The following GPAM variants were observed in gnomAD, a reference collection of about 807,000 sequenced individuals.
GPAM encodes glycerol-3-phosphate acyltransferase, mitochondrial.
A neutral mutation model predicts 105.0 loss-of-function variants in GPAM; 56 were observed. That is an observed-to-expected ratio of 0.53 (90% CI 0.43 to 0.67). The LOEUF is 0.67. Among genes scored for constraint, GPAM ranks in the 30% least tolerant of loss-of-function variants. The pLI, the probability that GPAM is intolerant of heterozygous loss-of-function variation, is 0.00. For synonymous variants in GPAM, 368 were observed against 354.4 expected (o/e 1.04, Z -0.43); for missense variants, 855 against 989.8 (o/e 0.86, Z 1.83).
chr10:112,207,723 T>G (rs779242642), intron 1 of GPAM, among the ~76,000 whole-genome samples: 3 of 152,174 alleles, frequency 2.0e-5, no homozygotes, highest in Non-Finnish European at 2.9e-5. Context: ...GGAGATGTGC[T>G]GGGTCTCAAG....
the GPAM span, among the ~76,000 whole-genome samples, chr10:112,220,404 C>A: frequency 7.0e-6 from 1 of 142,688 alleles, no homozygotes; most frequent in Non-Finnish European, 1.6e-5. Flanking sequence ...AATGGAACCA[C>A]TGGGTGGTTT....
chr10:112,170,442 A>G (rs895141215), intron 9 of GPAM, among the ~76,000 whole-genome samples: 2 of 152,266 alleles, frequency 1.3e-5, no homozygotes, highest in Admixed American at 6.5e-5. Context: ...CATAGAGTCC[A>G]TGAAAGGGAA....
the GPAM span, among the ~76,000 whole-genome samples, chr10:112,226,379 G>A: frequency 6.6e-6 from 1 of 152,146 alleles, no homozygotes; most frequent in Non-Finnish European, 1.5e-5. Flanking sequence ...AGAACACAGA[G>A]GCTGCAGGGA....
chr10:112,204,377 G>A (rs540604722), intron 1 of GPAM, among the ~76,000 whole-genome samples: 190 of 151,208 alleles, frequency 1.3e-3, no homozygotes, highest in Non-Finnish European at 2.7e-4. Flanking sequence ...ATTTTAAGAT[G>A]ATATATCAGC....
chr10:112,152,795 G>A lies in GPAM; in HGVS notation c.*755C>T. 1.5e-6 allele frequency: 1 copy of A among 647,500 alleles called. No homozygotes were observed. The highest frequency in any genetic ancestry group is 1.9e-6 in the Non-Finnish European group (1 of 521,428). 40.1% of individuals were successfully genotyped at this position (647,500 alleles called of 1,614,324 possible). On this transcript the variant is annotated 3_prime_UTR_variant, in exon 22 of 22. Coordinates refer to ENST00000348367, the MANE Select transcript of GPAM (RefSeq NM_001244949.2). ...GAAACTCAATGGCACTTGTTTATAT[G>A]AGCAAAAGCCTTCAACACCAGTTTT...
chr10:112,211,906 G>C (rs1052846205), intron 1 of GPAM, among the ~76,000 whole-genome samples: 1 of 152,182 alleles, frequency 6.6e-6, no homozygotes, highest in East Asian at 1.9e-4. Flanking sequence ...AGATGTATGA[G>C]GGTTTCTTAA....
chr10:112,155,256 T>C (rs1846995343), intron 20 of GPAM: 1 of 170,932 alleles, frequency 5.9e-6, no homozygotes, highest in Non-Finnish European at 1.3e-5. Flanking sequence ...AAACTACAAC[T>C]GTATAAAATA....
intron 4 of GPAM, among the ~76,000 whole-genome samples, chr10:112,178,835 G>A (rs944027548): frequency 8.5e-5 from 13 of 152,234 alleles, no homozygotes; most frequent in African/African-American, 3.1e-4. Flanking sequence ...CTTATGTCTT[G>A]ATCTAAAGAG....
chr10:112,183,397 G>A (rs1477013011), intron 1 of GPAM, among the ~76,000 whole-genome samples: 1 of 152,218 alleles, frequency 6.6e-6, no homozygotes, highest in Non-Finnish European at 1.5e-5. Context: ...CAGGCGGGCT[G>A]GCTGGCGGCG....
At chr10:112,195,653 C>CCT (rs1349346695) in intron 1 of GPAM, among the ~76,000 whole-genome samples, 1 of 152,028 alleles carries the variant, frequency 6.6e-6, no homozygotes, top group Non-Finnish European at 1.5e-5. Flanking sequence ...AATATCTGCC[C>CCT]CTCTCTCTCT....
chr10:112,209,497 T>G (rs1374599062), intron 1 of GPAM, among the ~76,000 whole-genome samples: 1 of 152,058 alleles, frequency 6.6e-6, no homozygotes, highest in African/African-American at 2.4e-5. Context: ...GCCCCATCCC[T>G]GGGGGACCAC....
intron 3 of GPAM, among the ~76,000 whole-genome samples, chr10:112,180,812 G>A (rs2133267392): frequency 6.6e-6 from 1 of 152,148 alleles, no homozygotes; most frequent in East Asian, 1.9e-4. Flanking sequence ...ACACACTGAA[G>A]GCAGTATTCA....
At chr10:112,160,113 C>A in intron 16 of GPAM, 60 bp from the exon 17 acceptor site, 2 of 1,514,836 alleles carry the variant, frequency 1.3e-6, no homozygotes, top group Non-Finnish European at 1.8e-6. Flanking sequence ...AAAACTTCAA[C>A]TGGCTTGAAT....
chr10:112,155,798 T>C, intron 20 of GPAM, 66 bp downstream of exon 20: 2 of 1,014,518 alleles, frequency 2.0e-6, no homozygotes, highest in African/African-American at 1.8e-5. Flanking sequence ...TTTCTACAAT[T>C]AGCAAATTTC....
chr10:112,166,782 C>T (rs975841139), intron 11 of GPAM, among the ~76,000 whole-genome samples: 3 of 152,108 alleles, frequency 2.0e-5, no homozygotes, highest in African/African-American at 7.2e-5. Flanking sequence ...ATCATGTTCA[C>T]ACAATTCACA....
chr10:112,167,214 G>C (rs1564677597), intron 11 of GPAM, among the ~76,000 whole-genome samples: 2 of 152,110 alleles, frequency 1.3e-5, no homozygotes, highest in Non-Finnish European at 1.5e-5. Context: ...TTTCTGACAT[G>C]TCTGGAGCCG....
Position 112,151,460 on chromosome 10 carries a change from G to A in GPAM, c.*2090C>T. On this transcript the variant is annotated 3_prime_UTR_variant, in exon 22 of 22. Coordinates refer to ENST00000348367, the MANE Select transcript of GPAM (RefSeq NM_001244949.2). ...CTTAAAAAAGATTTTCAAAGCACCA[G>A]TTAATTACAAAAAGCATGCATATTT... 2 of 985,710 alleles carry A rather than the reference G, an allele frequency of 2.0e-6. No individual in the cohort carries two copies. Among genetic ancestry groups the A allele is most frequent in the Non-Finnish European group, 1.2e-6 (1 of 829,812 alleles). The allele number at this position is 985,710 out of a possible 1,614,324, so 61.1% of individuals were successfully genotyped here.
chr10:112,167,229 C>T (rs769678667), intron 11 of GPAM, among the ~76,000 whole-genome samples: 20 of 152,114 alleles, frequency 1.3e-4, no homozygotes, highest in Non-Finnish European at 1.3e-4. Flanking sequence ...GAGCCGTAAG[C>T]TTGAAATAAG....
rs2792739 is a variant in GPAM at position 112,155,009 on chromosome 10, G to T, written c.2312-322C>A. 2,996 of 421,806 alleles carry T rather than the reference G, an allele frequency of 7.1e-3. 78 individuals carry two copies. Among genetic ancestry groups the T allele is most frequent in the African/African-American group, 0.052 (2,578 of 49,738 alleles). 26.1% of individuals were successfully genotyped at this position (421,806 alleles called of 1,614,324 possible). On this transcript the variant is annotated intron_variant, in intron 20 of 21. Coordinates refer to ENST00000348367, the MANE Select transcript of GPAM (RefSeq NM_001244949.2). ...AACATCCATTTTCCAGGACTGTTGTGAGAATCAAATGAGATAGTGTATAAA... is the reference window on the plus strand; with the variant it reads ...AACATCCATTTTCCAGGACTGTTGTTAGAATCAAATGAGATAGTGTATAAA...
Sources: gnomAD v4.1 joint callset for allele counts (sites outside exome capture counted in the v4.1 genomes callset) on GRCh38, gnomAD v4.1.1 for gene constraint, MANE v1.5 for transcripts, NCBI Gene and HGNC (gene_info 2026-07-23, HGNC 2026-07-21) for gene names.